Variants in MYSM1 observed in about 807,000 individuals in gnomAD.
MYSM1 encodes Myb like, SWIRM and MPN domains 1.
A neutral mutation model predicts 116.0 loss-of-function variants in MYSM1; 51 were observed. The observed-to-expected ratio is 0.44, with a 90% confidence interval of 0.35 to 0.56. The LOEUF is 0.56. Among genes scored for constraint, MYSM1 ranks in the 20% least tolerant of loss-of-function variants. The pLI, the probability that MYSM1 is intolerant of heterozygous loss-of-function variation, is 0.00. For synonymous variants in MYSM1, 313 were observed against 315.2 expected (o/e 0.99, Z 0.07); for missense variants, 900 against 974.9 (o/e 0.92, Z 1.02).
At chr1:58,684,526 C>A (rs1056076835) in intron 7 of MYSM1, among the ~76,000 whole-genome samples, 14 of 145,012 alleles carry the variant, frequency 9.7e-5, no homozygotes, top group African/African-American at 3.6e-4. Context: ...GATCGCACCA[C>A]TGCACTCCAG....
chr1:58,690,042 G>A (rs1644881340), intron 5 of MYSM1, 184 bp downstream of exon 5: 1 of 510,326 alleles, frequency 2.0e-6, no homozygotes, highest in Non-Finnish European at 3.4e-6. Context: ...AGAAATTCTG[G>A]CAAGTAAATA....
chr1:58,663,909 A>G (rs1644430481), intron 17 of MYSM1, among the ~76,000 whole-genome samples: 1 of 152,158 alleles, frequency 6.6e-6, no homozygotes, highest in Non-Finnish European at 1.5e-5. Flanking sequence ...GCAGTAAGCT[A>G]GGGTAATGTG....
In MYSM1 at chr1:58,669,851, A is replaced by C. The variant is rs866091608; in HGVS notation, c.1662-813T>G. Among the ~76,000 whole-genome samples, 33 of 146,668 alleles carry C rather than the reference A, an allele frequency of 2.2e-4. 2 individuals are homozygous for C. Among genetic ancestry groups the C allele is most frequent in the African/African-American group, 7.7e-4 (30 of 39,190 alleles). ...ACCCTGTCTCCAAAAAAAAAAAAAA[A>C]AAAAAAAAAAACAAAAAAGTGAAAA... is the stretch of plus-strand genomic sequence containing the variant. On this transcript the variant is annotated intron_variant, in intron 12 of 19. Transcript: ENST00000472487.
At chr1:58,690,466 T>TATTG in intron 3 of MYSM1, 49 bp from the exon 4 acceptor site, 1 of 1,279,906 alleles carries the variant, frequency 7.8e-7, no homozygotes, top group Non-Finnish European at 1.1e-6. Flanking sequence ...AGTCATGTAA[T>TATTG]TTTTACATTA....
chr1:58,656,993 G>C lies in MYSM1; in HGVS notation c.*3004C>G, dbSNP rs1224786248. 1 of 152,034 alleles carries C rather than the reference G, an allele frequency of 6.6e-6. No homozygotes were observed. Among genetic ancestry groups the C allele is most frequent in the Non-Finnish European group, 1.5e-5 (1 of 68,004 alleles). 9.4% of individuals were successfully genotyped at this position (152,034 alleles called of 1,614,324 possible). ...TGGCAAAACTATCTAGGGCCCACAA[G>C]AATCATAATGCAGCTCTGAATACAG... On this transcript the variant is annotated 3_prime_UTR_variant, in exon 20 of 20. Coordinates refer to ENST00000472487, the MANE Select transcript of MYSM1 (RefSeq NM_001085487.3).
rs779420285 is a variant in MYSM1, at chr1:58,661,217, T to C, written c.2281A>G (p.Met761Val). The change falls in exon 19 of 20, where the codon ATG becomes GTG. Residue 761 changes from methionine (M) to valine (V), a missense_variant. This residue lies in a region of MYSM1 where 186 missense variants were observed against 196.2 expected (regional missense o/e 0.95). Transcript: ENST00000472487. The part of the protein sequence containing the change: ...KYRLSHSSVP[M>V]DKIFRRDSDL... ...GAATCCCGGCGAAAGATTTTATCCATGGGGACGCTGCTGTAGGAAGAAATA... is the reference window on the plus strand; with the variant it reads ...GAATCCCGGCGAAAGATTTTATCCACGGGGACGCTGCTGTAGGAAGAAATA... 3.7e-6 allele frequency: 6 copies of C among 1,612,872 alleles called. No individual in the cohort carries two copies. The African/African-American group carries it at 6.7e-5, about 18-fold the overall frequency.
chr1:58,662,462 C>CCTTTTT (rs11431098), intron 17 of MYSM1, among the ~76,000 whole-genome samples: 2 of 109,190 alleles, frequency 1.8e-5, no homozygotes, highest in African/African-American at 6.6e-5. Context: ...TCACCCCCCC[C>CCTTTTT]TTTTTTTTTT....
At position 58,654,907 on chromosome 1, in the gene MYSM1, G is replaced by T. The variant is rs15307; in HGVS notation, c.*5090C>A. The T allele has an allele frequency of 6.6e-6, 1 of 152,124 alleles. No homozygotes were observed. The allele number at this position is 152,124 out of a possible 1,614,324, so 9.4% of individuals were successfully genotyped here. ...ATCTTTCATAATTCTTAAAATGCAG[G>T]TATTTACAACATTTTTAAATACAGA... is the stretch of plus-strand genomic sequence containing the variant. On this transcript the variant is annotated 3_prime_UTR_variant, in exon 20 of 20. Coordinates refer to ENST00000472487, the MANE Select transcript of MYSM1 (RefSeq NM_001085487.3).
chr1:58,687,551 A>G (rs767715179), intron 6 of MYSM1, among the ~76,000 whole-genome samples: 31 of 152,206 alleles, frequency 2.0e-4, no homozygotes, highest in Admixed American at 2.6e-4. Context: ...GCTCCCTGCT[A>G]TTTTGCAGAC....
chr1:58,679,074 C>T (rs951682654), intron 8 of MYSM1, among the ~76,000 whole-genome samples: 6 of 152,144 alleles, frequency 3.9e-5, no homozygotes, highest in African/African-American at 1.4e-4. Context: ...TAAAAATATT[C>T]CCCTAACCAG....
At chr1:58,666,808 A>C (rs1382022945) in intron 16 of MYSM1, among the ~76,000 whole-genome samples, 1 of 151,614 alleles carries the variant, frequency 6.6e-6, no homozygotes. Flanking sequence ...TAAGAGGCAG[A>C]GGTTGCAGTG....
chr1:58,696,281 A>G (rs1343153810), intron 1 of MYSM1, among the ~76,000 whole-genome samples: 1 of 152,214 alleles, frequency 6.6e-6, no homozygotes, highest in African/African-American at 2.4e-5. Context: ...TTTCAAATTC[A>G]CTGTAGAAAT....
At chr1:58,687,513 T>C (rs192114522) in intron 6 of MYSM1, among the ~76,000 whole-genome samples, 187 of 152,346 alleles carry the variant, frequency 1.2e-3, no homozygotes, top group African/African-American at 4.4e-3. Flanking sequence ...TAAGCATATA[T>C]GTTAGTACAA....
At chr1:58,677,128 TCAATA>T in intron 8 of MYSM1, 72 bp from the exon 9 acceptor site, 3 of 1,354,102 alleles carry the variant, frequency 2.2e-6, no homozygotes, top group Non-Finnish European at 3.0e-6. Context: ...GGGAAAACTT[TCAATA>T]TTTGAAATAT....
At chr1:58,698,084 CTA>C (rs374389099) in intron 1 of MYSM1, among the ~76,000 whole-genome samples, 1,261 of 31,440 alleles carry the variant, frequency 0.04, 149 homozygotes, top group South Asian at 0.067. Context: ...ATTTATCAGA[CTA>C]TATATATATA....
At chr1:58,686,104 T>G (rs190415604) in intron 6 of MYSM1, among the ~76,000 whole-genome samples, 1 of 152,220 alleles carries the variant, frequency 6.6e-6, no homozygotes, top group East Asian at 1.9e-4. Context: ...TTTTTATTTT[T>G]TGTAGAGATG....
At chr1:58,688,677 C>A (rs976540820) in intron 6 of MYSM1, among the ~76,000 whole-genome samples, 1 of 123,286 alleles carries the variant, frequency 8.1e-6, no homozygotes, top group East Asian at 2.4e-4. Context: ...TTCAAATATA[C>A]AAGTTTTTAT....
chr1:58,691,173 A>C (rs1229132376), intron 3 of MYSM1, among the ~76,000 whole-genome samples: 1 of 150,234 alleles, frequency 6.7e-6, no homozygotes, highest in Non-Finnish European at 1.5e-5. Flanking sequence ...CCAGCTACTC[A>C]GAAGGCTGAG....
intron 17 of MYSM1, among the ~76,000 whole-genome samples, chr1:58,664,856 T>C (rs1557505332): frequency 6.6e-6 from 1 of 152,176 alleles, no homozygotes; most frequent in Non-Finnish European, 1.5e-5. Context: ...ACAGAATAAA[T>C]ATCCTAGAGT....
Sources: gnomAD v4.1 joint callset for allele counts (sites outside exome capture counted in the v4.1 genomes callset) on GRCh38, gnomAD v4.1.1 for gene constraint, gnomAD v4.1.1 regional missense constraint, MANE v1.5 for transcripts, NCBI Gene and HGNC (gene_info 2026-07-23, HGNC 2026-07-21) for gene names.